PPEF1: variants seen among roughly 807,000 people sequenced by gnomAD.
PPEF1 encodes serine/threonine-protein phosphatase with EF-hands 1.
In PPEF1, 12 loss-of-function variants were observed where a neutral mutation model predicts 53.3. The ratio of observed to expected loss-of-function variants is 0.23; its 90% CI spans 0.14 to 0.36. The LOEUF (loss-of-function observed/expected upper bound fraction) is 0.36, where lower values mean the gene tolerates loss of function less well. Ranked by LOEUF, PPEF1 falls within the 10% of genes least tolerant of loss-of-function variation. PPEF1 has a pLI of 1.00. For missense variants in PPEF1, 334 were observed against 490.4 expected, an observed-to-expected ratio of 0.68 and a Z score of 3.01; for synonymous variants, 165 against 176.7, an observed-to-expected ratio of 0.93 and a Z score of 0.52.
intron 3 of PPEF1, among the ~76,000 whole-genome samples, chrX:18,737,516 C>T (rs1455720678): frequency 1.8e-5 from 2 of 111,858 alleles, no homozygotes. Context: ...TGTTCTTTTA[C>T]ACTTGCTGAG....
At chrX:18,718,068 A>G (rs2044498832) in intron 1 of PPEF1, among the ~76,000 whole-genome samples, 1 of 112,072 alleles carries the variant, frequency 8.9e-6, no homozygotes, top group Non-Finnish European at 1.9e-5. Context: ...TTTGTATAGG[A>G]TTGGTACTAC....
intron 4 of PPEF1, among the ~76,000 whole-genome samples, chrX:18,756,104 G>T (rs1269107274): frequency 9.0e-6 from 1 of 110,613 alleles, no homozygotes; most frequent in Non-Finnish European, 1.9e-5. Context: ...GACGGAAAAT[G>T]ACTTTTCATT....
intron 4 of PPEF1, among the ~76,000 whole-genome samples, chrX:18,696,427 A>G (rs780592573): frequency 6.4e-5 from 7 of 109,504 alleles, no homozygotes; most frequent in African/African-American, 2.3e-4. Context: ...TGCTGGGATT[A>G]CAGGTATGAG....
At chrX:18,704,113 A>G (rs770515456), upstream of PPEF1, among the ~76,000 whole-genome samples, 136 of 108,184 alleles carry the variant, frequency 1.3e-3, no homozygotes, top group African/African-American at 4.5e-3. Context: ...TTTGGTAGAG[A>G]TGGGGTCTCC....
chrX:18,750,370 A>G (rs1480114721), intron 4 of PPEF1, among the ~76,000 whole-genome samples: 3 of 111,304 alleles, frequency 2.7e-5, no homozygotes, highest in Non-Finnish European at 5.7e-5. Context: ...GTCTCTATGG[A>G]TTTGCCTATT....
intron 12 of PPEF1, among the ~76,000 whole-genome samples, chrX:18,814,058 A>G (rs898344474): frequency 5.4e-5 from 6 of 110,866 alleles, no homozygotes; most frequent in Non-Finnish European, 9.4e-5. Flanking sequence ...TGTGTACCCA[A>G]TGGTGAGCTC....
chrX:18,789,049 A>T lies in PPEF1; in HGVS notation c.913-72A>T, dbSNP rs1204263757. 6 of 1,131,117 alleles carry T rather than the reference A, an allele frequency of 5.3e-6. No homozygotes were observed. The Admixed American group carries it at 1.5e-4, about 28-fold the overall frequency. The allele number at this position is 1,131,117 out of a possible 1,213,427, so 93.2% of individuals were successfully genotyped here. Reference sequence around the variant, plus strand: ...GGCACCACAACATAGAAAGAATCCCACCTGGGACTGAAGTCTCTGTATGTG... The same window carrying T: ...GGCACCACAACATAGAAAGAATCCCTCCTGGGACTGAAGTCTCTGTATGTG... On this transcript the variant is annotated intron_variant, in intron 9 of 15. Coordinates refer to ENST00000470157, the MANE Select transcript of PPEF1 (RefSeq NM_001377996.1).
chrX:18,763,118 C>A (rs1373615649), intron 6 of PPEF1, among the ~76,000 whole-genome samples: 2 of 111,770 alleles, frequency 1.8e-5, no homozygotes, highest in African/African-American at 6.5e-5. Context: ...AACTTCTTTT[C>A]ATCTATAACT....
chrX:18,779,326 A>G (rs775112672), intron 7 of PPEF1, 150 bp downstream of exon 7: 1 of 485,296 alleles, frequency 2.1e-6, no homozygotes, highest in East Asian at 3.9e-5. Flanking sequence ...CCCTTTCACC[A>G]CCCCCATTAT....
rs1039124290 is a variant in PPEF1 at position 18,676,189 on chromosome X, T to C, written c.-587+59T>C. 5 of 111,428 alleles carry C rather than the reference T, an allele frequency of 4.5e-5. No homozygotes were observed. In the Admixed American group the frequency reaches 4.8e-4, roughly 11 times the overall value. 9.2% of individuals were successfully genotyped at this position (111,428 alleles called of 1,213,427 possible). On this transcript the variant is annotated intron_variant, in intron 1 of 20. Transcript: ENST00000689646. ...ATGTTCGTCTTGATTTGGCCATTCA[T>C]GAGCTGGGTGCTCGAGCTAGTCAGT...
At chrX:18,737,769 T>C (rs2045023652) in intron 3 of PPEF1, among the ~76,000 whole-genome samples, 1 of 110,490 alleles carries the variant, frequency 9.1e-6, no homozygotes, top group South Asian at 3.9e-4. Flanking sequence ...AGTCTCTTTG[T>C]AGGTCACTCA....
At chrX:18,754,094 A>G (rs1426334994) in intron 4 of PPEF1, among the ~76,000 whole-genome samples, 1 of 110,004 alleles carries the variant, frequency 9.1e-6, no homozygotes, top group Non-Finnish European at 1.9e-5. Context: ...AACAACAAAT[A>G]TTTGCAGATT....
chrX:18,789,278 G>GTACC lies in PPEF1; in HGVS notation c.1065+7_1065+8insCCTA. ...ACAGAGCATGAATGGGAACAGGTAG[G>GTACC]TAATCAGGGTGTTCACTGCAGTGGC... On this transcript the variant is annotated splice_donor_region_variant and intron_variant, in intron 10 of 15. Transcript: ENST00000470157. The GTACC allele has an allele frequency of 9.1e-6, 11 of 1,204,346 alleles. No homozygotes were observed. The highest frequency in any genetic ancestry group is 1.2e-5 in the Non-Finnish European group (11 of 889,597).
At chrX:18,745,143 TA>T (rs1366671279) in intron 3 of PPEF1, among the ~76,000 whole-genome samples, 5 of 94,862 alleles carry the variant, frequency 5.3e-5, no homozygotes, top group African/African-American at 2.0e-4. Flanking sequence ...TTATATTATA[TA>T]TATTATATAT....
upstream of PPEF1, among the ~76,000 whole-genome samples, chrX:18,678,492 C>G (rs6633114): frequency 9.1e-6 from 1 of 110,306 alleles, no homozygotes; most frequent in African/African-American, 3.3e-5. Flanking sequence ...CCACTTCCAC[C>G]TGTGCCACTT....
rs1474078096 is a variant in PPEF1 at position 18,822,479 on chromosome X, G to A, written c.1502-1444G>A. ...CATTCACAATAGATAATCAAGTACTGTGGGAGAAACCTAATGAATGAGGTA... is the reference window on the plus strand; with the variant it reads ...CATTCACAATAGATAATCAAGTACTATGGGAGAAACCTAATGAATGAGGTA... On this transcript the variant is annotated intron_variant, in intron 13 of 15. Transcript: ENST00000470157. Among the ~76,000 whole-genome samples, 10 of 110,675 alleles carry A rather than the reference G, an allele frequency of 9.0e-5. No individual in the cohort carries two copies. In the East Asian group the frequency reaches 2.8e-3, roughly 31 times the overall value.
At chrX:18,810,333 G>GCA (rs372609345) in intron 12 of PPEF1, among the ~76,000 whole-genome samples, 2,666 of 102,171 alleles carry the variant, frequency 0.026, 85 homozygotes, top group African/African-American at 0.089. Context: ...CTCTCTCTGC[G>GCA]CACACACACA....
chrX:18,788,081 C>T (rs749822423), intron 9 of PPEF1, among the ~76,000 whole-genome samples: 335 of 111,605 alleles, frequency 3.0e-3, no homozygotes, highest in Non-Finnish European at 4.0e-3. Context: ...CTTTGGGAGG[C>T]CAAGGCGGGC....
At chrX:18,706,132 G>A (rs1388937724), upstream of PPEF1, among the ~76,000 whole-genome samples, 1 of 105,056 alleles carries the variant, frequency 9.5e-6, no homozygotes, top group East Asian at 3.0e-4. Context: ...CGGGTGTCAC[G>A]GCACATGCTT....
Sources: gnomAD v4.1 joint callset for allele counts (sites outside exome capture counted in the v4.1 genomes callset) on GRCh38, gnomAD v4.1.1 for gene constraint, MANE v1.5 for transcripts, NCBI Gene and HGNC (gene_info 2026-07-23, HGNC 2026-07-21) for gene names.